IQGAP2: variants seen among roughly 807,000 people sequenced by gnomAD.
IQGAP2 encodes IQ motif containing GTPase activating protein 2.
In IQGAP2, 173 loss-of-function variants were observed where a neutral mutation model predicts 201.3. The observed-to-expected ratio is 0.86, with a 90% confidence interval of 0.76 to 0.98. The LOEUF (loss-of-function observed/expected upper bound fraction) is 0.98. Among genes scored for constraint, IQGAP2 ranks in the 50% least tolerant of loss-of-function variants. IQGAP2 has a pLI of 0.00. For missense variants in IQGAP2, 1,687 were observed against 1,864.8 expected, an observed-to-expected ratio of 0.90 and a Z score of 1.76; for synonymous variants, 675 against 673.9, an observed-to-expected ratio of 1.00 and a Z score of -0.03.
chr5:76,672,168 C>T (rs1169601349), intron 24 of IQGAP2, among the ~76,000 whole-genome samples, 185 bp downstream of exon 24: 1 of 152,226 alleles, frequency 6.6e-6, no homozygotes, highest in African/African-American at 2.4e-5. Context: ...TTTCACATTT[C>T]AGAGCCAGGT....
At chr5:76,567,104 G>T (rs1744802928) in intron 3 of IQGAP2, among the ~76,000 whole-genome samples, 1 of 152,190 alleles carries the variant, frequency 6.6e-6, no homozygotes, top group Admixed American at 6.5e-5. Context: ...GATAGGGAAG[G>T]CATGCACACA....
At chr5:76,534,757 C>T (rs1188670544) in intron 2 of IQGAP2, among the ~76,000 whole-genome samples, 2 of 152,168 alleles carry the variant, frequency 1.3e-5, no homozygotes, top group Non-Finnish European at 1.5e-5. Flanking sequence ...TATTGTCCTA[C>T]GTTTCACAGT....
chr5:76,418,965 A>G (rs2150078557), intron 1 of IQGAP2, among the ~76,000 whole-genome samples: 1 of 152,286 alleles, frequency 6.6e-6, no homozygotes, highest in Non-Finnish European at 1.5e-5. Flanking sequence ...TATCCACACC[A>G]GCATAATATC....
intron 2 of IQGAP2, among the ~76,000 whole-genome samples, chr5:76,479,663 G>T (rs1044643936): frequency 2.0e-5 from 3 of 152,072 alleles, no homozygotes; most frequent in Non-Finnish European, 2.9e-5. Context: ...GATTTTAAAG[G>T]ACCTCTGTGC....
At chr5:76,625,306 T>C (rs1750121545) in intron 13 of IQGAP2, among the ~76,000 whole-genome samples, 1 of 152,164 alleles carries the variant, frequency 6.6e-6, no homozygotes, top group South Asian at 2.1e-4. Flanking sequence ...AGTGATAAGT[T>C]ATGAAGGAAG....
intron 35 of IQGAP2, among the ~76,000 whole-genome samples, chr5:76,704,755 T>C (rs910171512): frequency 6.6e-6 from 1 of 152,224 alleles, no homozygotes; most frequent in African/African-American, 2.4e-5. Context: ...TTGATAGCTG[T>C]CAGATGTAAA....
intron 1 of IQGAP2, among the ~76,000 whole-genome samples, chr5:76,414,348 C>T (rs1283680768): frequency 2.0e-5 from 3 of 152,112 alleles, no homozygotes; most frequent in African/African-American, 2.4e-5. Context: ...CTAAACTGTG[C>T]TTCCTCAGGT....
chr5:76,404,430 A>G (rs1750685254), intron 1 of IQGAP2: 1 of 983,578 alleles, frequency 1.0e-6, no homozygotes, highest in Non-Finnish European at 1.2e-6. Context: ...CTTTAAAACA[A>G]ACAGAAAGTT....
intron 28 of IQGAP2, among the ~76,000 whole-genome samples, chr5:76,677,777 T>A (rs1357283802): frequency 1.3e-5 from 2 of 151,922 alleles, no homozygotes; most frequent in Non-Finnish European, 2.9e-5. Context: ...AAAAATTTTT[T>A]AAAAACTAGC....
intron 1 of IQGAP2, among the ~76,000 whole-genome samples, chr5:76,428,431 T>G (rs1752135770): frequency 6.6e-6 from 1 of 150,550 alleles, no homozygotes; most frequent in Non-Finnish European, 1.5e-5. Flanking sequence ...CTTTGAATCC[T>G]TTTTTCTTTT....
chr5:76,510,155 A>G (rs1451549573), intron 2 of IQGAP2, among the ~76,000 whole-genome samples: 1 of 151,918 alleles, frequency 6.6e-6, no homozygotes, highest in Non-Finnish European at 1.5e-5. Flanking sequence ...ACCCGCCACC[A>G]TGCCCGGCTA....
intron 2 of IQGAP2, among the ~76,000 whole-genome samples, chr5:76,477,369 C>T (rs949586158): frequency 3.9e-5 from 6 of 152,022 alleles, no homozygotes; most frequent in Admixed American, 1.3e-4. Flanking sequence ...ACATTACAGC[C>T]GCATTTGAAT....
chr5:76,703,613 A>G (rs1162036150), intron 35 of IQGAP2, among the ~76,000 whole-genome samples: 7 of 151,020 alleles, frequency 4.6e-5, no homozygotes, highest in Non-Finnish European at 7.4e-5. Flanking sequence ...CATTTAAGCC[A>G]AATACACGTA....
At chr5:76,615,318 T>C (rs989836556) in intron 13 of IQGAP2, among the ~76,000 whole-genome samples, 1 of 152,228 alleles carries the variant, frequency 6.6e-6, no homozygotes. Context: ...TCCATTTAAG[T>C]TTCTATCTTC....
chr5:76,604,197 G>A (rs756865855), intron 11 of IQGAP2, among the ~76,000 whole-genome samples: 1 of 151,852 alleles, frequency 6.6e-6, no homozygotes, highest in Non-Finnish European at 1.5e-5. Context: ...TGTTCTCATT[G>A]TTCAACTCCT....
intron 2 of IQGAP2, among the ~76,000 whole-genome samples, chr5:76,549,769 CCTTTT>C (rs1310841110): frequency 6.6e-6 from 1 of 152,088 alleles, no homozygotes; most frequent in Non-Finnish European, 1.5e-5. Context: ...GCCCTGATCA[CCTTTT>C]CTTATAAGGA....
chr5:76,677,422 A>G (rs1249212266), intron 28 of IQGAP2, 72 bp downstream of exon 28: 1 of 1,438,486 alleles, frequency 7.0e-7, no homozygotes. Flanking sequence ...AAAATGCTTA[A>G]TCTCTACAGG....
At chr5:76,670,974 C>T (rs1327967870) in intron 23 of IQGAP2, among the ~76,000 whole-genome samples, 3 of 152,070 alleles carry the variant, frequency 2.0e-5, no homozygotes, top group South Asian at 2.1e-4. Flanking sequence ...GAAACATACA[C>T]GTTATAAACT....
rs1435770239 is a variant in IQGAP2 at position 76,658,616 on chromosome 5, C to T, written c.2478C>T (p.Asn826=). The part of the protein sequence containing the change: ...RANQQLEKDL[N]LMDIKIGLLV... Reference sequence around the variant, plus strand: ...ATCAACAGCTGGAAAAAGACCTGAACCTGATGGACATCAAGATTGGACTGC... The same window carrying T: ...ATCAACAGCTGGAAAAAGACCTGAATCTGATGGACATCAAGATTGGACTGC... The change falls in exon 21 of 36, where the codon AAC becomes AAT. Residue 826 remains asparagine, a synonymous_variant. Transcript: ENST00000274364. The T allele has an allele frequency of 6.2e-7, 1 of 1,613,838 alleles. No individual in the cohort carries two copies. Among genetic ancestry groups the T allele is most frequent in the African/African-American group, 1.3e-5 (1 of 74,892 alleles).
Sources: allele counts gnomAD v4.1 joint callset (sites outside exome capture counted in the v4.1 genomes callset), GRCh38; gene constraint gnomAD v4.1.1; transcripts MANE v1.5; gene names NCBI Gene and HGNC (gene_info 2026-07-23, HGNC 2026-07-21).